Variants in ZNF423 observed in about 807,000 individuals in gnomAD.
ZNF423 encodes zinc finger protein 423.
A neutral mutation model predicts 95.8 loss-of-function variants in ZNF423; 12 were observed. The ratio of observed to expected loss-of-function variants is 0.13; its 90% CI spans 0.08 to 0.20. The LOEUF (loss-of-function observed/expected upper bound fraction) is 0.20. ZNF423 is among the 10% of genes least tolerant of loss of function. The pLI is 1.00. For missense variants in ZNF423, 1,316 were observed against 1,737.1 expected (o/e 0.76, Z 4.31); for synonymous variants, 749 against 711.9 (o/e 1.05, Z -0.83).
intron 3 of ZNF423, among the ~76,000 whole-genome samples, chr16:49,712,898 C>T (rs1174612357): frequency 6.6e-6 from 1 of 152,224 alleles, no homozygotes; most frequent in Non-Finnish European, 1.5e-5. Flanking sequence ...AGAATGACAC[C>T]GTCGTGCAGG....
intron 3 of ZNF423, among the ~76,000 whole-genome samples, chr16:49,656,646 C>T (rs983197356): frequency 6.6e-6 from 1 of 152,154 alleles, no homozygotes; most frequent in Non-Finnish European, 1.5e-5. Flanking sequence ...ACTGGCGACA[C>T]TGAAGAATAA....
At chr16:49,647,520 T>C (rs1219450253) in intron 3 of ZNF423, among the ~76,000 whole-genome samples, 3 of 152,250 alleles carry the variant, frequency 2.0e-5, no homozygotes, top group Non-Finnish European at 2.9e-5. Flanking sequence ...CATGGGTCTG[T>C]TGTAATCACA....
intron 2 of ZNF423, among the ~76,000 whole-genome samples, chr16:49,786,831 G>A (rs2034322254): frequency 6.6e-6 from 1 of 152,228 alleles, no homozygotes; most frequent in South Asian, 2.1e-4. Flanking sequence ...GATGGCCTGG[G>A]AGGTTTTGCT....
chr16:49,521,218 T>C (rs940916132), intron 7 of ZNF423, among the ~76,000 whole-genome samples: 1 of 152,218 alleles, frequency 6.6e-6, no homozygotes, highest in Non-Finnish European at 1.5e-5. Context: ...CTTGAGGCCA[T>C]CAGAGAAGAG....
chr16:49,503,448 C>T (rs1267038770), intron 7 of ZNF423, among the ~76,000 whole-genome samples: 1 of 152,162 alleles, frequency 6.6e-6, no homozygotes, highest in Non-Finnish European at 1.5e-5. Context: ...CAGCCTCAGC[C>T]ACCACCTTCT....
At chr16:49,677,314 AGGGGAAGGGAGGG>A (rs2031136546) in intron 3 of ZNF423, among the ~76,000 whole-genome samples, 1 of 68,434 alleles carries the variant, frequency 1.5e-5, no homozygotes, top group African/African-American at 5.8e-5. Context: ...AAGAGAAAGG[AGGGGAAGGGAGGG>A]GAGGGGAGGG....
chr16:49,839,258 C>G (rs1217724604), intron 1 of ZNF423, among the ~76,000 whole-genome samples: 1 of 152,014 alleles, frequency 6.6e-6, no homozygotes, highest in African/African-American at 2.4e-5. Context: ...CTGGAAATCT[C>G]GGCCCCCACA....
At chr16:49,585,044 G>A (rs145637452) in intron 5 of ZNF423, among the ~76,000 whole-genome samples, 18 of 152,230 alleles carry the variant, frequency 1.2e-4, no homozygotes, top group African/African-American at 4.3e-4. Context: ...AGGCAGAAGG[G>A]TCAGAAGTGC....
intron 5 of ZNF423, among the ~76,000 whole-genome samples, chr16:49,621,282 G>A (rs956214952): frequency 6.6e-6 from 1 of 152,154 alleles, no homozygotes; most frequent in Non-Finnish European, 1.5e-5. Flanking sequence ...CAGGGAAGGG[G>A]CCTCATTCTC....
intron 7 of ZNF423, among the ~76,000 whole-genome samples, chr16:49,503,986 G>A (rs1967532991): frequency 6.6e-6 from 1 of 152,212 alleles, no homozygotes; most frequent in East Asian, 1.9e-4. Flanking sequence ...ATCCTTTGAG[G>A]ACACTAGGCC....
chr16:49,761,490 C>T (rs957385926), intron 2 of ZNF423, among the ~76,000 whole-genome samples: 3 of 152,190 alleles, frequency 2.0e-5, no homozygotes, highest in South Asian at 2.1e-4. Context: ...GTAAGGAGAA[C>T]GACGCTGGTC....
chr16:49,665,883 G>C (rs1274722700), intron 3 of ZNF423, among the ~76,000 whole-genome samples: 1 of 152,170 alleles, frequency 6.6e-6, no homozygotes, highest in Admixed American at 6.5e-5. Context: ...TAAATAAATA[G>C]AGCCTCAAGA....
chr16:49,808,060 CT>C (rs58617394), intron 1 of ZNF423, among the ~76,000 whole-genome samples: 27,966 of 148,328 alleles, frequency 0.19, 3,186 homozygotes, highest in African/African-American at 0.33. Context: ...ATTTTTCTTT[CT>C]TTTTTTTTTT....
intron 5 of ZNF423, among the ~76,000 whole-genome samples, chr16:49,620,479 C>T (rs1036811554): frequency 3.9e-5 from 6 of 152,190 alleles, no homozygotes; most frequent in African/African-American, 9.6e-5. Flanking sequence ...GGGAAAGGGC[C>T]GGCGTGAGCA....
At chr16:49,731,035 A>G (rs1168007730) in intron 2 of ZNF423, 64 bp from the exon 3 acceptor site, 1 of 1,562,930 alleles carries the variant, frequency 6.4e-7, no homozygotes, top group Non-Finnish European at 8.8e-7. Flanking sequence ...TTTTAAAAGA[A>G]TCGCCCGGCA....
intron 3 of ZNF423, among the ~76,000 whole-genome samples, chr16:49,715,931 C>T (rs12928802): frequency 0.11 from 17,144 of 151,824 alleles, 1,223 homozygotes; most frequent in Non-Finnish European, 0.17. Flanking sequence ...GCCTATAGTC[C>T]CAGCTACTCG....
At chr16:49,653,345 A>G (rs1001335115) in intron 3 of ZNF423, among the ~76,000 whole-genome samples, 7 of 150,058 alleles carry the variant, frequency 4.7e-5, no homozygotes, top group Non-Finnish European at 8.9e-5. Context: ...TTCAACTCTG[A>G]TTAAACGCAA....
At chr16:49,643,564 C>G (rs1224557955) in intron 3 of ZNF423, among the ~76,000 whole-genome samples, 3 of 131,834 alleles carry the variant, frequency 2.3e-5, no homozygotes, top group African/African-American at 5.6e-5. Flanking sequence ...CCCCACCCCC[C>G]ACTTTGGGAG....
intron 1 of ZNF423, among the ~76,000 whole-genome samples, chr16:49,813,753 C>T (rs2034792512): frequency 6.6e-6 from 1 of 152,346 alleles, no homozygotes; most frequent in Non-Finnish European, 1.5e-5. Flanking sequence ...GTCACCTGCA[C>T]CACTGAACCC....
Sources: gnomAD v4.1 joint callset for allele counts (sites outside exome capture counted in the v4.1 genomes callset) on GRCh38, gnomAD v4.1.1 for gene constraint, MANE v1.5 for transcripts, NCBI Gene and HGNC (gene_info 2026-07-23, HGNC 2026-07-21) for gene names.